TAFA1: variants seen among roughly 807,000 people sequenced by gnomAD.
TAFA1 encodes chemokine-like protein TAFA-1.
Under a neutral mutation model 18.5 loss-of-function variants are expected in TAFA1, and 4 were observed. The observed-to-expected ratio is 0.22, with a 90% CI of 0.11 to 0.49. The LOEUF is 0.49. Ranked by LOEUF, TAFA1 falls within the 20% of genes least tolerant of loss-of-function variation. TAFA1 has a pLI of 0.98. For missense variants in TAFA1, 147 were observed against 169.0 expected (o/e 0.87, Z 0.72); for synonymous variants, 56 against 55.2 (o/e 1.01, Z -0.06).
At chr3:68,528,477 G>T (rs756681802) in intron 3 of TAFA1, among the ~76,000 whole-genome samples, 1 of 152,166 alleles carries the variant, frequency 6.6e-6, no homozygotes, top group Non-Finnish European at 1.5e-5. Flanking sequence ...TGCAGGGAAG[G>T]TTATCCAATG....
intron 2 of TAFA1, among the ~76,000 whole-genome samples, chr3:68,229,638 G>A (rs1182959740): frequency 6.6e-6 from 1 of 152,052 alleles, no homozygotes; most frequent in East Asian, 1.9e-4. Flanking sequence ...TTCTTCACAT[G>A]GTTAATCATT....
rs181052649 is a variant in TAFA1 at position 68,338,228 on chromosome 3, C to T, written c.119-79052C>T. The stretch of plus-strand genomic sequence containing the variant: ...CACATTTTACAGAGCCTTTTTGATA[C>T]GGTCAGTGCTTATCGGTGTTCAAAA... On this transcript the variant is annotated intron_variant, in intron 2 of 4. Coordinates refer to ENST00000478136, the MANE Select transcript of TAFA1 (RefSeq NM_213609.4). Among the ~76,000 whole-genome samples, 152 of 152,266 alleles carry T rather than the reference C, an allele frequency of 1.0e-3. 2 individuals carry two copies. Among genetic ancestry groups the T allele is most frequent in the Admixed American group, 9.8e-3 (150 of 15,292 alleles).
chr3:68,414,966 C>T (rs574059695), intron 2 of TAFA1, among the ~76,000 whole-genome samples: 24 of 152,122 alleles, frequency 1.6e-4, no homozygotes, highest in Non-Finnish European at 3.1e-4. Context: ...CTGTTACTGA[C>T]TTGACGGAGG....
chr3:68,245,051 C>T (rs2067049855), intron 2 of TAFA1, among the ~76,000 whole-genome samples: 2 of 152,190 alleles, frequency 1.3e-5, no homozygotes, highest in South Asian at 2.1e-4. Context: ...GTTGTATAGT[C>T]AGGACCGATG....
intron 2 of TAFA1, among the ~76,000 whole-genome samples, chr3:68,205,210 CA>C (rs987388692): frequency 1.3e-5 from 2 of 151,826 alleles, no homozygotes; most frequent in Non-Finnish European, 2.9e-5. Context: ...CATTCAATAA[CA>C]AGGGTTTGTG....
intron 2 of TAFA1, among the ~76,000 whole-genome samples, chr3:68,334,334 T>G (rs1380425065): frequency 6.6e-6 from 1 of 151,880 alleles, no homozygotes; most frequent in African/African-American, 2.4e-5. Context: ...TTCAAAGCAG[T>G]GCTGAGATAC....
intron 2 of TAFA1, among the ~76,000 whole-genome samples, chr3:68,189,796 A>G (rs934340649): frequency 2.0e-5 from 3 of 151,982 alleles, no homozygotes; most frequent in African/African-American, 7.2e-5. Flanking sequence ...ATCATGCAGG[A>G]GAAGGGTCTG....
At chr3:68,262,956 AACATTG>A (rs2107203067) in intron 2 of TAFA1, among the ~76,000 whole-genome samples, 1 of 152,318 alleles carries the variant, frequency 6.6e-6, no homozygotes, top group South Asian at 2.1e-4. Context: ...TTTTATTGAA[AACATTG>A]ACACTGCTTA....
At chr3:68,124,456 G>T (rs1415742113) in intron 2 of TAFA1, among the ~76,000 whole-genome samples, 2 of 152,146 alleles carry the variant, frequency 1.3e-5, no homozygotes, top group Non-Finnish European at 1.5e-5. Flanking sequence ...AAAATTGTGT[G>T]ATATGTGCAT....
chr3:68,203,421 C>T (rs1263798914), intron 2 of TAFA1, among the ~76,000 whole-genome samples: 1 of 151,742 alleles, frequency 6.6e-6, no homozygotes, highest in African/African-American at 2.4e-5. Flanking sequence ...CTGATGCTTG[C>T]TCTGACTTTT....
At chr3:68,142,931 T>C (rs1213189393) in intron 2 of TAFA1, among the ~76,000 whole-genome samples, 1 of 151,276 alleles carries the variant, frequency 6.6e-6, no homozygotes, top group Non-Finnish European at 1.5e-5. Flanking sequence ...TTTTTTAGTG[T>C]ACAAAATCTT....
chr3:68,099,172 A>G (rs1416953250), intron 2 of TAFA1, among the ~76,000 whole-genome samples: 1 of 152,190 alleles, frequency 6.6e-6, no homozygotes, highest in South Asian at 2.1e-4. Flanking sequence ...CAATTAAACT[A>G]AAGAGCTTCT....
chr3:68,431,887 C>G (rs1350071827), intron 3 of TAFA1, among the ~76,000 whole-genome samples: 1 of 151,968 alleles, frequency 6.6e-6, no homozygotes, highest in Non-Finnish European at 1.5e-5. Flanking sequence ...TAAGGGCTTA[C>G]AACTCTAAGG....
chr3:68,078,794 T>C (rs13237594), intron 2 of TAFA1, among the ~76,000 whole-genome samples: 3 of 152,196 alleles, frequency 2.0e-5, no homozygotes, highest in African/African-American at 7.2e-5. Flanking sequence ...TGTCTCTGCC[T>C]GGCTTTGGTA....
chr3:68,073,049 GT>G (rs1233890351), intron 2 of TAFA1, among the ~76,000 whole-genome samples: 1 of 152,182 alleles, frequency 6.6e-6, no homozygotes, highest in Non-Finnish European at 1.5e-5. Flanking sequence ...AAAATTCTGT[GT>G]GCAATGACAT....
At chr3:68,272,717 C>T (rs534445086) in intron 2 of TAFA1, among the ~76,000 whole-genome samples, 10 of 152,194 alleles carry the variant, frequency 6.6e-5, no homozygotes, top group Non-Finnish European at 8.8e-5. Flanking sequence ...GGAAAACATT[C>T]CTGTGGGTTT....
intron 2 of TAFA1, among the ~76,000 whole-genome samples, chr3:68,189,461 C>T (rs1314373549): frequency 1.3e-5 from 2 of 151,822 alleles, no homozygotes; most frequent in African/African-American, 2.4e-5. Context: ...GCCATTTTAG[C>T]TACCTTTTGT....
intron 2 of TAFA1, among the ~76,000 whole-genome samples, chr3:68,050,047 T>A (rs2106700105): frequency 6.6e-6 from 1 of 152,276 alleles, no homozygotes; most frequent in African/African-American, 2.4e-5. Context: ...GCAGGTTACA[T>A]AACCTCTCTG....
rs546270915 is a variant in TAFA1, at chr3:68,525,893, TGTGAGC to T, written c.260-12862_260-12857del. Among the ~76,000 whole-genome samples, 33 of 152,298 alleles carry T rather than the reference TGTGAGC, an allele frequency of 2.2e-4. No homozygotes were observed. In the East Asian group the frequency reaches 6.2e-3, roughly 29 times the overall value. ...CTGTATTAACACATTCTCAAGTGTC[TGTGAGC>T]CAGGCAAATAGTGCTGAGAACCACA... On this transcript the variant is annotated intron_variant, in intron 3 of 4. Transcript: ENST00000478136.
Sources: allele counts gnomAD v4.1 joint callset (sites outside exome capture counted in the v4.1 genomes callset), GRCh38; gene constraint gnomAD v4.1.1; transcripts MANE v1.5; gene names NCBI Gene and HGNC (gene_info 2026-07-23, HGNC 2026-07-21).